Variants in MAPKAPK5 observed in about 807,000 individuals in gnomAD.
MAPKAPK5 encodes the protein MAP kinase-activated protein kinase 5.
Under a neutral mutation model 65.1 loss-of-function variants are expected in MAPKAPK5, and 30 were observed. The observed-to-expected ratio is 0.46, with a 90% CI of 0.34 to 0.63. The LOEUF (loss-of-function observed/expected upper bound fraction) is 0.63. MAPKAPK5 is among the 20% of genes least tolerant of loss of function. MAPKAPK5 has a pLI of 0.01. For missense variants in MAPKAPK5, 433 were observed against 581.4 expected (o/e 0.74, Z 2.63); for synonymous variants, 179 against 204.6 (o/e 0.87, Z 1.07).
rs2070317893 is a variant in MAPKAPK5 at position 111,883,895 on chromosome 12, A to G, written c.848+127A>G. 1 of 930,974 alleles carries G rather than the reference A, an allele frequency of 1.1e-6. No homozygotes were observed. Among genetic ancestry groups the G allele is most frequent in the Non-Finnish European group, 1.6e-6 (1 of 634,518 alleles). 57.7% of individuals were successfully genotyped at this position (930,974 alleles called of 1,614,324 possible). On this transcript the variant is annotated intron_variant, in intron 9 of 13. Coordinates refer to ENST00000550735, the MANE Select transcript of MAPKAPK5 (RefSeq NM_003668.4). This position sits in a 1 kb window ranked among gnomAD's most constrained non-coding sequence, Gnocchi z 4.8. ...TCCTCCCCGTTTTAATATCACAGAA[A>G]TCTCTCTGGAGCCTGAGGTGACTGT...
intron 1 of MAPKAPK5, among the ~76,000 whole-genome samples, chr12:111,859,252 G>A (rs2069346538): frequency 6.7e-6 from 1 of 148,168 alleles, no homozygotes; most frequent in Non-Finnish European, 1.5e-5. Context: ...TTTTCCTTTG[G>A]TGTGCTAATG....
intron 1 of MAPKAPK5, among the ~76,000 whole-genome samples, chr12:111,863,054 G>A (rs1413177475): frequency 6.6e-6 from 1 of 152,088 alleles, no homozygotes; most frequent in African/African-American, 2.4e-5. Context: ...TCTCTGATTG[G>A]GCAGTACTTG....
intron 13 of MAPKAPK5, among the ~76,000 whole-genome samples, chr12:111,892,152 A>G (rs901231146): frequency 2.6e-5 from 4 of 152,234 alleles, no homozygotes; most frequent in African/African-American, 9.7e-5. Flanking sequence ...GCAGCAGATC[A>G]TTCATTTTCA....
chr12:111,843,479 T>C lies in MAPKAPK5; in HGVS notation c.36+710T>C, dbSNP rs985212099. 85 of 389,300 alleles carry C rather than the reference T, an allele frequency of 2.2e-4. No individual in the cohort carries two copies. In the East Asian group the frequency reaches 3.1e-3, roughly 14 times the overall value. The allele number at this position is 389,300 out of a possible 1,614,324, so 24.1% of individuals were successfully genotyped here. On this transcript the variant is annotated intron_variant, in intron 1 of 13. Coordinates refer to ENST00000550735, the MANE Select transcript of MAPKAPK5 (RefSeq NM_003668.4). The stretch of plus-strand genomic sequence containing the variant: ...CACATTTTGCCCACTCAGGGCCAGT[T>C]ATCTGTCTTGACAGCTGTAGCTAAG...
chr12:111,879,750 G>C (rs532510562), intron 7 of MAPKAPK5: 1 of 153,028 alleles, frequency 6.5e-6, no homozygotes, highest in Non-Finnish European at 1.5e-5. Context: ...GCAGGTCTTA[G>C]AGGTGGCACT....
Position 111,881,402 on chromosome 12 carries a change from C to CTTTTTTTTTTTTTTTTTTTTTTTT in MAPKAPK5, c.660+875_660+876insTTTTTTTTTTTTTTTTTTTTTTTT, listed in dbSNP as rs1274226182. 1.4e-4 allele frequency among the ~76,000 whole-genome samples: 16 copies of CTTTTTTTTTTTTTTTTTTTTTTTT among 116,740 alleles called. 3 individuals carry two copies. Among genetic ancestry groups the CTTTTTTTTTTTTTTTTTTTTTTTT allele is most frequent in the African/African-American group, 3.6e-4 (11 of 30,138 alleles). 76.6% of individuals were successfully genotyped at this position (116,740 alleles called of 152,430 possible). ...AGCCCACATATTGATCCTGTCTGTT[C>CTTTTTTTTTTTTTTTTTTTTTTTT]CTTTTTTTTTTTTTTTTTTTGAGAC... On this transcript the variant is annotated intron_variant, in intron 8 of 13. Transcript: ENST00000550735.
In MAPKAPK5 at chr12:111,898,527, TTA is replaced by T. The variant is rs2070898324; in HGVS notation, c.*5471_*5472del. The T allele has an allele frequency of 6.6e-6, 1 of 152,166 alleles. No homozygotes were observed. The highest frequency in any genetic ancestry group is 2.1e-4 in the South Asian group (1 of 4,828). 9.4% of individuals were successfully genotyped at this position (152,166 alleles called of 1,614,324 possible). On this transcript the variant is annotated 3_prime_UTR_variant, in exon 14 of 14. Transcript: ENST00000550735. Reference sequence around the variant, plus strand: ...GGAACTGAACTTTGATCCTGATCCTTTATATACTCCCATGGTGAAACTTGAGC... The same window carrying T: ...GGAACTGAACTTTGATCCTGATCCTTTATACTCCCATGGTGAAACTTGAGC...
At chr12:111,853,105 C>T (rs1403101968) in intron 1 of MAPKAPK5, among the ~76,000 whole-genome samples, 2 of 152,094 alleles carry the variant, frequency 1.3e-5, no homozygotes, top group East Asian at 3.9e-4. Context: ...CTTCTTCACG[C>T]CTGTAATCCC....
At position 111,888,590 on chromosome 12, in the gene MAPKAPK5, C is replaced by T. The variant is rs1343853552; in HGVS notation, c.1072C>T (p.Pro358Ser). 1 of 1,613,606 alleles carries T rather than the reference C, an allele frequency of 6.2e-7. No homozygotes were observed. The highest frequency in any genetic ancestry group is 8.5e-7 in the Non-Finnish European group (1 of 1,179,836). ...SLKPLHSVNNPILRKRKLLGT... is the reference protein window; with the variant it reads ...SLKPLHSVNNSILRKRKLLGT... Reference sequence around the variant, plus strand: ...CAAACCCCTGCACTCAGTGAACAACCCCATTCTGCGGAAGAGGAAGTTACT... The same window carrying T: ...CAAACCCCTGCACTCAGTGAACAACTCCATTCTGCGGAAGAGGAAGTTACT... Residue 358 changes from proline (P) to serine (S), a missense_variant, in exon 11 of 14, where the codon CCC becomes TCC. This residue lies in a region of MAPKAPK5 where 169 missense variants were observed against 215.6 expected (regional missense o/e 0.78). Coordinates refer to ENST00000550735, the MANE Select transcript of MAPKAPK5 (RefSeq NM_003668.4).
In MAPKAPK5 at chr12:111,900,643, G is replaced by A. The variant is rs551472952; in HGVS notation, c.*7582G>A. Reference sequence around the variant, plus strand: ...TCTCTATGTCAGCATCATGCATGCTGTGATGAAAACTGTATACTGAAGGCG... The same window carrying A: ...TCTCTATGTCAGCATCATGCATGCTATGATGAAAACTGTATACTGAAGGCG... On this transcript the variant is annotated 3_prime_UTR_variant, in exon 14 of 14. Transcript: ENST00000550735. The A allele has an allele frequency of 1.1e-5, 5 of 455,986 alleles. No individual in the cohort carries two copies. Among genetic ancestry groups the A allele is most frequent in the Non-Finnish European group, 1.8e-5 (4 of 226,806 alleles). The allele number at this position is 455,986 out of a possible 1,614,324, so 28.2% of individuals were successfully genotyped here.
chr12:111,852,008 A>T (rs1459838978), intron 1 of MAPKAPK5, among the ~76,000 whole-genome samples: 1 of 152,214 alleles, frequency 6.6e-6, no homozygotes, highest in Non-Finnish European at 1.5e-5. Flanking sequence ...TGTGCCAGAC[A>T]GTAAGGAATA....
chr12:111,886,174 G>A, intron 10 of MAPKAPK5, 138 bp downstream of exon 10: 3 of 1,304,302 alleles, frequency 2.3e-6, no homozygotes, highest in South Asian at 2.9e-5. Context: ...GGTTTCCTGA[G>A]AGTCAGGATC....
intron 8 of MAPKAPK5, among the ~76,000 whole-genome samples, chr12:111,881,619 T>C (rs2070234263): frequency 6.6e-6 from 1 of 151,586 alleles, no homozygotes; most frequent in Non-Finnish European, 1.5e-5. Context: ...TTGGCCAGGT[T>C]GGTCCTGAAT....
intron 1 of MAPKAPK5, among the ~76,000 whole-genome samples, chr12:111,849,168 A>T (rs2068993058): frequency 6.7e-6 from 1 of 148,470 alleles, no homozygotes; most frequent in South Asian, 2.1e-4. Context: ...CTGGTCTTGA[A>T]CTCCTGGGCT....
At chr12:111,863,846 C>A (rs2069519857) in intron 1 of MAPKAPK5, among the ~76,000 whole-genome samples, 1 of 151,960 alleles carries the variant, frequency 6.6e-6, no homozygotes, top group Non-Finnish European at 1.5e-5. Flanking sequence ...CTCAGGTGAT[C>A]CTCCCACCTC....
intron 1 of MAPKAPK5, among the ~76,000 whole-genome samples, chr12:111,850,994 G>A (rs1038496040): frequency 1.3e-5 from 2 of 151,714 alleles, no homozygotes; most frequent in Admixed American, 1.3e-4. Context: ...TGCCTCCTGG[G>A]TTCACACCAT....
At chr12:111,853,782 G>A (rs1385405364) in intron 1 of MAPKAPK5, among the ~76,000 whole-genome samples, 2 of 152,096 alleles carry the variant, frequency 1.3e-5, no homozygotes, top group South Asian at 2.1e-4. Flanking sequence ...TGATCCACCC[G>A]CCTTGGCCTC....
At position 111,894,759 on chromosome 12, in the gene MAPKAPK5, C is replaced by CGTGTGTGTGTGT. The variant is rs768543625; in HGVS notation, c.*1702_*1703insGTGTGTGTGTGT. 1.6e-5 allele frequency: 2 copies of CGTGTGTGTGTGT among 127,124 alleles called. No homozygotes were observed. The highest frequency in any genetic ancestry group is 8.1e-5 in the African/African-American group (2 of 24,562). 7.9% of individuals were successfully genotyped at this position (127,124 alleles called of 1,614,324 possible). A position where few individuals can be genotyped will look rare whatever the true frequency, so the allele number is the denominator to read the frequency against. On this transcript the variant is annotated 3_prime_UTR_variant, in exon 14 of 14. Coordinates refer to ENST00000550735, the MANE Select transcript of MAPKAPK5 (RefSeq NM_003668.4). ...TGGGTTTCCATAACAAACCAATTTT[C>CGTGTGTGTGTGT]GTGTATATGTGTGTGTGTGTGTGTG... is the stretch of plus-strand genomic sequence containing the variant.
chr12:111,900,522 T>C lies in MAPKAPK5; in HGVS notation c.*7461T>C, dbSNP rs767276517. On this transcript the variant is annotated 3_prime_UTR_variant, in exon 14 of 14. Transcript: ENST00000550735. ...GTTCCTTCGAGAACACAAAGGGGCCTGCCTATTTAACAAGCCACGGCCCAG... is the reference window on the plus strand; with the variant it reads ...GTTCCTTCGAGAACACAAAGGGGCCCGCCTATTTAACAAGCCACGGCCCAG... 1.1e-5 allele frequency: 5 copies of C among 456,126 alleles called. No homozygotes were observed. The highest frequency in any genetic ancestry group is 7.7e-5 in the South Asian group (5 of 64,564). 28.3% of individuals were successfully genotyped at this position (456,126 alleles called of 1,614,324 possible). A position where few individuals can be genotyped will look rare whatever the true frequency, so the allele number is the denominator to read the frequency against.
Sources: allele counts gnomAD v4.1 joint callset (sites outside exome capture counted in the v4.1 genomes callset), GRCh38; gene constraint gnomAD v4.1.1; regional missense constraint gnomAD v4.1.1; non-coding constraint Gnocchi (gnomAD v3.1); transcripts MANE v1.5; gene names NCBI Gene and HGNC (gene_info 2026-07-23, HGNC 2026-07-21).